The following TFEC variants were observed in gnomAD, a reference collection of about 807,000 sequenced individuals.
TFEC encodes class E basic helix-loop-helix protein 34.
Under a neutral mutation model 41.6 loss-of-function variants are expected in TFEC, and 31 were observed. The ratio of observed to expected loss-of-function variants is 0.74; its 90% CI spans 0.56 to 1.01. The LOEUF (loss-of-function observed/expected upper bound fraction) is 1.01. TFEC is among the 50% of genes least tolerant of loss of function. The pLI is 0.00. For missense variants in TFEC, 402 were observed against 404.1 expected (o/e 0.99, Z 0.04); for synonymous variants, 143 against 140.6 (o/e 1.02, Z -0.12).
chr7:116,063,104 G>A (rs947425249), intron 3 of TFEC, among the ~76,000 whole-genome samples: 5 of 152,164 alleles, frequency 3.3e-5, no homozygotes, highest in Non-Finnish European at 7.3e-5. Context: ...AAACAGGAAT[G>A]TACTATTGAC....
chr7:116,048,377 A>T (rs889519877), intron 3 of TFEC, among the ~76,000 whole-genome samples: 1 of 152,270 alleles, frequency 6.6e-6, no homozygotes, highest in Admixed American at 6.5e-5. Flanking sequence ...AAGAAAGGTT[A>T]TCAGTGATTG....
At chr7:116,087,631 A>G (rs1332348817) in intron 3 of TFEC, among the ~76,000 whole-genome samples, 2 of 152,064 alleles carry the variant, frequency 1.3e-5, no homozygotes, top group Non-Finnish European at 2.9e-5. Flanking sequence ...TCCATTGTTC[A>G]TTGTTTTAAC....
chr7:116,023,668 C>A (rs1795483198), intron 1 of TFEC, among the ~76,000 whole-genome samples: 1 of 152,090 alleles, frequency 6.6e-6, no homozygotes. Flanking sequence ...TCTGTGATGC[C>A]ATATCCTCTA....
At chr7:116,062,065 C>T (rs1796570669) in intron 3 of TFEC, among the ~76,000 whole-genome samples, 1 of 142,292 alleles carries the variant, frequency 7.0e-6, no homozygotes, top group Admixed American at 7.1e-5. Context: ...CTGTACCATT[C>T]TTTTTTTTTT....
At chr7:115,953,766 T>A (rs1792072008) in intron 5 of TFEC, among the ~76,000 whole-genome samples, 1 of 152,106 alleles carries the variant, frequency 6.6e-6, no homozygotes, top group Non-Finnish European at 1.5e-5. Flanking sequence ...TCAGCAAACA[T>A]CACTGTGACA....
At chr7:115,968,071 G>T (rs1792953946) in intron 3 of TFEC, 2 of 1,087,972 alleles carry the variant, frequency 1.8e-6, no homozygotes, top group Non-Finnish European at 2.5e-6. Flanking sequence ...GCGTTTCAAA[G>T]CTCAATGTTC....
intron 6 of TFEC, among the ~76,000 whole-genome samples, chr7:115,946,419 G>GTT (rs3028671): frequency 0.34 from 47,756 of 141,398 alleles, 8,378 homozygotes; most frequent in Non-Finnish European, 0.42. Flanking sequence ...GTGTGTGTGT[G>GTT]TGTGTGTGTG....
chr7:116,131,036 T>G (rs1031169279), intron 1 of TFEC, among the ~76,000 whole-genome samples: 1 of 152,222 alleles, frequency 6.6e-6, no homozygotes, highest in Non-Finnish European at 1.5e-5. Flanking sequence ...TCCTTTTACT[T>G]TAATAGAATC....
At chr7:115,991,150 A>C (rs1794092043) in intron 1 of TFEC, among the ~76,000 whole-genome samples, 1 of 152,234 alleles carries the variant, frequency 6.6e-6, no homozygotes, top group Non-Finnish European at 1.5e-5. Context: ...AAGGAGAAAT[A>C]AAATCCTTTA....
chr7:115,970,006 C>A (rs1178576905), intron 3 of TFEC, among the ~76,000 whole-genome samples: 1 of 151,838 alleles, frequency 6.6e-6, no homozygotes, highest in Non-Finnish European at 1.5e-5. Flanking sequence ...CTGTTAGAAC[C>A]ACAAAAGATA....
intron 3 of TFEC, among the ~76,000 whole-genome samples, chr7:116,040,092 G>T (rs766023317): frequency 1.3e-5 from 2 of 152,096 alleles, no homozygotes; most frequent in Non-Finnish European, 2.9e-5. Flanking sequence ...TTGGTGACAA[G>T]AAATGTTAAT....
At chr7:116,043,841 T>C (rs1448089603) in intron 3 of TFEC, among the ~76,000 whole-genome samples, 1 of 152,136 alleles carries the variant, frequency 6.6e-6, no homozygotes, top group Non-Finnish European at 1.5e-5. Context: ...CTTCAGGTCA[T>C]AAAATGATCC....
At chr7:115,971,785 A>G (rs1218677998) in intron 3 of TFEC, among the ~76,000 whole-genome samples, 2 of 152,092 alleles carry the variant, frequency 1.3e-5, no homozygotes, top group African/African-American at 2.4e-5. Context: ...ATGGCTGGGA[A>G]TAGGCTATGA....
At chr7:116,020,593 A>C (rs548937037) in intron 1 of TFEC, among the ~76,000 whole-genome samples, 1 of 152,294 alleles carries the variant, frequency 6.6e-6, no homozygotes, top group South Asian at 2.1e-4. Context: ...TAAACCTGCA[A>C]AGCAAAGCTA....
chr7:115,988,092 T>C (rs904242234), intron 1 of TFEC, among the ~76,000 whole-genome samples: 2 of 152,168 alleles, frequency 1.3e-5, no homozygotes, highest in South Asian at 2.1e-4. Flanking sequence ...TATTTTCCTT[T>C]ACCCAAAACC....
At chr7:116,011,833 A>G (rs1288325753) in intron 1 of TFEC, among the ~76,000 whole-genome samples, 1 of 152,006 alleles carries the variant, frequency 6.6e-6, no homozygotes, top group African/African-American at 2.4e-5. Flanking sequence ...TAGTTGTTTA[A>G]AAGAGCTTGG....
In TFEC at chr7:115,943,572, CTATTT is replaced by C. The variant is rs1793620143; in HGVS notation, c.516-1537_516-1533del. ...CTTACAATAATTTTTTTAAGTTCCT[CTATTT>C]TAAAGAAATTTTAATGTACTAGATT... On this transcript the variant is annotated intron_variant, in intron 6 of 7. Transcript: ENST00000265440. Among the ~76,000 whole-genome samples, 2 of 149,658 alleles carry C rather than the reference CTATTT, an allele frequency of 1.3e-5. 1 individual carries two copies. The highest frequency in any genetic ancestry group is 5.1e-4 in the South Asian group (2 of 3,940).
rs571081908 is a variant in TFEC at position 116,134,903 on chromosome 7, T to C, written c.-68-22865A>G. 2.6e-5 allele frequency among the ~76,000 whole-genome samples: 4 copies of C among 152,298 alleles called. No homozygotes were observed. In the South Asian group the frequency reaches 8.3e-4, roughly 32 times the overall value. On this transcript the variant is annotated intron_variant, in intron 1 of 8. Transcript: ENST00000484212. ...AAAGCATCAGGAAAACCTCTTCAGC[T>C]CCTGCTCAAATACGTTGCACATTTG...
chr7:115,953,675 A>G (rs1792067202), intron 5 of TFEC, among the ~76,000 whole-genome samples: 1 of 151,978 alleles, frequency 6.6e-6, no homozygotes, highest in South Asian at 2.1e-4. Flanking sequence ...ATCTGCTCTG[A>G]CACTAAAGCC....
Sources: allele counts gnomAD v4.1 joint callset (sites outside exome capture counted in the v4.1 genomes callset), GRCh38; gene constraint gnomAD v4.1.1; transcripts MANE v1.5; gene names NCBI Gene and HGNC (gene_info 2026-07-23, HGNC 2026-07-21).